Variants in NALF1 observed in about 807,000 individuals in gnomAD.
NALF1 encodes family with sequence similarity 155 member A.
NALF1 carries 3 observed loss-of-function variants against 48.4 expected under a neutral mutation model. The ratio of observed to expected loss-of-function variants is 0.06; its 90% confidence interval spans 0.03 to 0.16. The LOEUF is 0.16. Ranked by LOEUF, NALF1 falls within the 10% of genes least tolerant of loss-of-function variation. NALF1 has a pLI of 1.00. For missense variants in NALF1, 526 were observed against 571.5 expected (o/e 0.92, Z 0.81); for synonymous variants, 262 against 245.7 (o/e 1.07, Z -0.62).
intron 1 of NALF1, among the ~76,000 whole-genome samples, chr13:107,771,968 C>T (rs1877590071): frequency 6.6e-6 from 1 of 152,126 alleles, no homozygotes; most frequent in African/African-American, 2.4e-5. Flanking sequence ...ATCTCCTGAC[C>T]TCGTGATCTG....
At chr13:107,567,782 C>T (rs1388245422) in intron 1 of NALF1, among the ~76,000 whole-genome samples, 1 of 152,102 alleles carries the variant, frequency 6.6e-6, no homozygotes, top group Non-Finnish European at 1.5e-5. Context: ...TAGCCAAACC[C>T]ACCCTCCCAT....
At chr13:107,585,785 T>A (rs1045267026) in intron 1 of NALF1, among the ~76,000 whole-genome samples, 2 of 152,140 alleles carry the variant, frequency 1.3e-5, no homozygotes, top group East Asian at 3.9e-4. Flanking sequence ...TTTTCGGCCA[T>A]TACCACATAC....
At chr13:107,575,645 C>A (rs9301235) in intron 1 of NALF1, among the ~76,000 whole-genome samples, 27,165 of 152,114 alleles carry the variant, frequency 0.18, 3,027 homozygotes, top group Middle Eastern at 0.28. Context: ...CTTTGCATTC[C>A]TCGGGATCCT....
chr13:107,269,020 G>A (rs955875905), intron 1 of NALF1, among the ~76,000 whole-genome samples: 11 of 152,076 alleles, frequency 7.2e-5, no homozygotes, highest in Admixed American at 2.6e-4. Flanking sequence ...GGAATAAACT[G>A]GGAGTGGTGG....
chr13:107,606,175 G>A (rs568706681), intron 1 of NALF1, among the ~76,000 whole-genome samples: 46 of 152,138 alleles, frequency 3.0e-4, no homozygotes, highest in African/African-American at 1.1e-3. Context: ...TGGTACTAGT[G>A]AGCACATGGA....
At chr13:107,676,928 A>G (rs1318684926) in intron 1 of NALF1, among the ~76,000 whole-genome samples, 2 of 152,254 alleles carry the variant, frequency 1.3e-5, no homozygotes, top group Non-Finnish European at 1.5e-5. Context: ...TCATCAGGAT[A>G]CAAAATATCT....
intron 1 of NALF1, among the ~76,000 whole-genome samples, chr13:107,292,470 T>A (rs540300173): frequency 6.7e-6 from 1 of 148,732 alleles, no homozygotes; most frequent in Non-Finnish European, 1.5e-5. Context: ...TATTTATAGC[T>A]TTTATCTATA....
At chr13:107,530,287 T>A (rs944677472) in intron 1 of NALF1, among the ~76,000 whole-genome samples, 2 of 152,148 alleles carry the variant, frequency 1.3e-5, no homozygotes, top group Admixed American at 6.6e-5. Flanking sequence ...CTTCATAGCA[T>A]ATATCCCAAT....
In NALF1 at chr13:107,735,477, C is replaced by T. The variant is rs528756882; in HGVS notation, c.915+130205G>A. Among the ~76,000 whole-genome samples the T allele has an allele frequency of 1.1e-4, 16 of 152,318 alleles. No homozygotes were observed. The South Asian group carries it at 3.3e-3, about 32-fold the overall frequency. On this transcript the variant is annotated intron_variant, in intron 1 of 2. Coordinates refer to ENST00000375915, the MANE Select transcript of NALF1 (RefSeq NM_001080396.3). ...CTAGCTCTCTTTATCCAGGAAGGTA[C>T]TATAACATCAGAAAAAACTCACCTG... is the stretch of plus-strand genomic sequence containing the variant.
intron 1 of NALF1, among the ~76,000 whole-genome samples, chr13:107,800,854 T>C (rs973237553): frequency 2.6e-5 from 4 of 151,486 alleles, no homozygotes; most frequent in Non-Finnish European, 4.4e-5. Context: ...TTACTTGGTT[T>C]AAGTTATAGT....
chr13:107,586,295 G>C (rs1255496275), intron 1 of NALF1, among the ~76,000 whole-genome samples: 1 of 152,038 alleles, frequency 6.6e-6, no homozygotes, highest in Non-Finnish European at 1.5e-5. Flanking sequence ...TCACAGGATG[G>C]TTAGTAAAAG....
chr13:107,707,213 C>T (rs113087138), intron 1 of NALF1, among the ~76,000 whole-genome samples: 2,978 of 151,842 alleles, frequency 0.02, 99 homozygotes, highest in African/African-American at 0.067. Flanking sequence ...TGAGCCACCG[C>T]GCCCGGCCAA....
chr13:107,616,311 G>T (rs933390317), intron 1 of NALF1, among the ~76,000 whole-genome samples: 1 of 152,144 alleles, frequency 6.6e-6, no homozygotes, highest in Non-Finnish European at 1.5e-5. Context: ...CTTTCCTAAT[G>T]ATTAGCCTAT....
chr13:107,195,507 G>A (rs1396120696), intron 2 of NALF1, among the ~76,000 whole-genome samples: 1 of 152,128 alleles, frequency 6.6e-6, no homozygotes, highest in African/African-American at 2.4e-5. Context: ...CTGTAAGTTT[G>A]TGATAATCAC....
At chr13:107,216,031 C>T (rs919728928) in intron 1 of NALF1, among the ~76,000 whole-genome samples, 1 of 152,158 alleles carries the variant, frequency 6.6e-6, no homozygotes, top group African/African-American at 2.4e-5. Flanking sequence ...AAATGGTTGT[C>T]AGCTTCAAAT....
chr13:107,601,408 T>C (rs1047361813), intron 1 of NALF1, among the ~76,000 whole-genome samples: 1 of 152,190 alleles, frequency 6.6e-6, no homozygotes, highest in Non-Finnish European at 1.5e-5. Flanking sequence ...CGACTTTTCT[T>C]GAGATATGTA....
At chr13:107,333,526 C>T (rs1227358451) in intron 1 of NALF1, among the ~76,000 whole-genome samples, 1 of 152,144 alleles carries the variant, frequency 6.6e-6, no homozygotes, top group East Asian at 1.9e-4. Context: ...TTTCACTGCT[C>T]TGGGCATGTC....
At chr13:107,223,822 G>A (rs1381614486) in intron 1 of NALF1, among the ~76,000 whole-genome samples, 1 of 152,138 alleles carries the variant, frequency 6.6e-6, no homozygotes, top group Non-Finnish European at 1.5e-5. Flanking sequence ...CACTCTGCAA[G>A]TCTTTGAACC....
At chr13:107,736,893 T>C (rs1427919665) in intron 1 of NALF1, among the ~76,000 whole-genome samples, 1 of 152,220 alleles carries the variant, frequency 6.6e-6, no homozygotes, top group African/African-American at 2.4e-5. Flanking sequence ...TCCACCATAT[T>C]AACATTGTTT....
Sources: allele counts gnomAD v4.1 joint callset (sites outside exome capture counted in the v4.1 genomes callset), GRCh38; gene constraint gnomAD v4.1.1; transcripts MANE v1.5; gene names NCBI Gene and HGNC (gene_info 2026-07-23, HGNC 2026-07-21).